Variants in MYCBPAP observed in about 807,000 individuals in gnomAD.
The protein encoded by MYCBPAP is MYCBP associated protein.
Under a neutral mutation model 106.1 loss-of-function variants are expected in MYCBPAP, and 60 were observed. The ratio of observed to expected loss-of-function variants is 0.57; its 90% CI spans 0.46 to 0.70. The LOEUF (loss-of-function observed/expected upper bound fraction) is 0.70. MYCBPAP is among the 30% of genes least tolerant of loss of function. MYCBPAP has a pLI of 0.00. For synonymous variants in MYCBPAP, 407 were observed against 440.6 expected (o/e 0.92, Z 0.95); for missense variants, 1,064 against 1,169.3 (o/e 0.91, Z 1.31).
At chr17:50,513,982 C>G (rs1436368980) in intron 1 of MYCBPAP, among the ~76,000 whole-genome samples, 4 of 152,194 alleles carry the variant, frequency 2.6e-5, no homozygotes, top group Admixed American at 2.6e-4. Context: ...ACAGATACTT[C>G]CAAACCTCTG....
intron 6 of MYCBPAP, 57 bp downstream of exon 6, chr17:50,519,146 G>T: frequency 8.2e-7 from 1 of 1,213,664 alleles, no homozygotes; most frequent in South Asian, 1.3e-5. Context: ...GGAGGGGGCG[G>T]GGGCAGGTGT....
chr17:50,527,377 C>A lies in MYCBPAP; in HGVS notation c.2260C>A (p.Pro754Thr). 1 of 1,614,122 alleles carries A rather than the reference C, an allele frequency of 6.2e-7. No individual in the cohort carries two copies. The highest frequency in any genetic ancestry group is 8.5e-7 in the Non-Finnish European group (1 of 1,180,004). The change falls in exon 15 of 19, where the codon CCA (proline) becomes ACA (threonine). Residue 754 changes from proline to threonine, a missense_variant. Transcript: ENST00000323776. The part of the protein sequence containing the change: ...AALELCQKPR[P>T]LQSNLLHQMC... ...CCTGGAGCTGTGCCAGAAGCCAAGG[C>A]CATTGCAGTCCAACCTCCTGCACCA...
intron 1 of MYCBPAP, chr17:50,510,250 G>C (rs1400161046): frequency 6.6e-6 from 1 of 151,874 alleles, no homozygotes; most frequent in Admixed American, 6.6e-5. Flanking sequence ...GTTGAGCCGG[G>C]CATGGTGGTG....
intron 16 of MYCBPAP, 123 bp from the exon 17 acceptor site, chr17:50,528,572 C>A: frequency 7.6e-7 from 1 of 1,313,366 alleles, no homozygotes; most frequent in Non-Finnish European, 1.0e-6. Flanking sequence ...AAGCCACGCG[C>A]CTACCAGGGC....
rs1375743104 is a variant in MYCBPAP at position 50,508,456 on chromosome 17, C to T, written c.-219C>T. The stretch of plus-strand genomic sequence containing the variant: ...GGGCCCGCAGGGCTTTCTAGGGGTC[C>T]GTCGCTCTTGAAGCCGCCGGCGGCG... On this transcript the variant is annotated 5_prime_UTR_variant, in exon 1 of 19. Coordinates refer to ENST00000323776, the MANE Select transcript of MYCBPAP (RefSeq NM_032133.6). 14 of 1,298,128 alleles carry T rather than the reference C, an allele frequency of 1.1e-5. No homozygotes were observed. Among genetic ancestry groups the T allele is most frequent in the Non-Finnish European group, 1.5e-5 (14 of 952,518 alleles). The allele number at this position is 1,298,128 out of a possible 1,614,324, so 80.4% of individuals were successfully genotyped here. A position where few individuals can be genotyped will look rare whatever the true frequency, so the allele number is the denominator to read the frequency against.
At position 50,523,609 on chromosome 17, in the gene MYCBPAP, C is replaced by A; in HGVS notation, c.1460C>A (p.Pro487His). 1 of 1,614,204 alleles carries A rather than the reference C, an allele frequency of 6.2e-7. No homozygotes were observed. ...CTGTCCCTCTCAGGTGTGATTCTGC[C>A]TGGAGAAATTAAAACATTTACCTTC... ...YFDNREGVIL[P>H]GEIKTFTFFF... Residue 487 changes from proline (P) to histidine (H), a missense_variant, in exon 12 of 19, where the codon CCT becomes CAT. Coordinates refer to ENST00000323776, the MANE Select transcript of MYCBPAP (RefSeq NM_032133.6).
chr17:50,525,465 T>C (rs1319946083), intron 13 of MYCBPAP, among the ~76,000 whole-genome samples: 1 of 152,124 alleles, frequency 6.6e-6, no homozygotes, highest in Non-Finnish European at 1.5e-5. Context: ...AGCAGTCCTA[T>C]GAGATGGGTA....
At chr17:50,510,499 G>GTATGTGTGTATA (rs1555618059) in intron 1 of MYCBPAP, 1 of 76,414 alleles carries the variant, frequency 1.3e-5, no homozygotes, top group African/African-American at 4.6e-5. Context: ...GTGTGTGTGT[G>GTATGTGTGTATA]TATATATATA....
rs1159358480 is a variant in MYCBPAP, at chr17:50,527,405, T to C, written c.2288T>C (p.Met763Thr). ...TTGCAGTCCAACCTCCTGCACCAGA[T>C]GTGGTAGGTGCCCTGCCAGGAGAGC... Reference protein sequence around the residue: ...RPLQSNLLHQMCLQLWRDVID... With the variant: ...RPLQSNLLHQTCLQLWRDVID... The change falls in exon 15 of 19, where the codon ATG (methionine) becomes ACG (threonine). Residue 763 changes from methionine (M) to threonine (T), a missense_variant. Coordinates refer to ENST00000323776, the MANE Select transcript of MYCBPAP (RefSeq NM_032133.6). The C allele has an allele frequency of 1.9e-6, 3 of 1,613,626 alleles. No individual in the cohort carries two copies. The East Asian group carries it at 6.7e-5, about 36-fold the overall frequency.
At position 50,528,716 on chromosome 17, in the gene MYCBPAP, T is replaced by C. The variant is rs780280635; in HGVS notation, c.2429T>C (p.Met810Thr). 5.7e-5 allele frequency: 92 copies of C among 1,613,694 alleles called. No individual in the cohort carries two copies. The Middle Eastern group carries it at 8.2e-4, about 14-fold the overall frequency. The change falls in exon 17 of 19, where the codon ATG (methionine) becomes ACG (threonine). Residue 810 changes from methionine to threonine, a missense_variant. Transcript: ENST00000323776. ...TTAGATCAAAAATCACCTCCTATCA[T>C]GGAAGTGAAGGTACCTGTGGGGAAA... ...EEQDQKSPPI[M>T]EVKVPVGKAG...
intron 18 of MYCBPAP, chr17:50,530,119 A>T: frequency 1.4e-5 from 5 of 360,806 alleles, no homozygotes; most frequent in South Asian, 1.0e-4. Flanking sequence ...CAGATGGTTG[A>T]TGGGGTCTAG....
At chr17:50,516,740 C>T (rs2034066073) in intron 2 of MYCBPAP, 43 bp downstream of exon 2, 1 of 1,610,580 alleles carries the variant, frequency 6.2e-7, no homozygotes, top group Non-Finnish European at 8.5e-7. Context: ...GAAACGTTTC[C>T]CTGCCGGCAG....
At chr17:50,517,029 A>C (rs367897865) in intron 2 of MYCBPAP, among the ~76,000 whole-genome samples, 7 of 152,198 alleles carry the variant, frequency 4.6e-5, no homozygotes, top group African/African-American at 1.7e-4. Flanking sequence ...GCTAAACCCT[A>C]ACCCCATGCT....
rs1168362382 is a variant in MYCBPAP at position 50,525,015 on chromosome 17, A to C, written c.1774A>C (p.Asn592His). The part of the protein sequence containing the change: ...LTEEDLFRHR[N>H]PPLHYEHQVV... ...CGAGGAAGACTTGTTCCGGCACAGAAATCCTCCGGTGAGGCCCAGCGCCAG... is the reference window on the plus strand; with the variant it reads ...CGAGGAAGACTTGTTCCGGCACAGACATCCTCCGGTGAGGCCCAGCGCCAG... Residue 592 changes from asparagine to histidine, a missense_variant, in exon 13 of 19, where the codon AAT (asparagine) becomes CAT (histidine). Asn to His is a moderately conservative substitution (Grantham distance 68). Transcript: ENST00000323776. 1 of 1,612,596 alleles carries C rather than the reference A, an allele frequency of 6.2e-7. No individual in the cohort carries two copies. Among genetic ancestry groups the C allele is most frequent in the Admixed American group, 1.7e-5 (1 of 59,998 alleles).
chr17:50,531,312 G>A lies in MYCBPAP; in HGVS notation c.2725-15G>A, dbSNP rs764828938. ...CAGAGTAAACTCTGCCTGTGATGTT[G>A]TCCCGTTCTTCCAGGTCCGTGGGCT... On this transcript the variant is annotated splice_polypyrimidine_tract_variant and intron_variant, in intron 18 of 18. Coordinates refer to ENST00000323776, the MANE Select transcript of MYCBPAP (RefSeq NM_032133.6). 1 of 1,593,062 alleles carries A rather than the reference G, an allele frequency of 6.3e-7. No homozygotes were observed. The highest frequency in any genetic ancestry group is 1.1e-5 in the South Asian group (1 of 89,014).
chr17:50,523,521 T>G (rs374831287), intron 11 of MYCBPAP, 76 bp from the exon 12 acceptor site: 1 of 1,474,502 alleles, frequency 6.8e-7, no homozygotes, highest in East Asian at 2.3e-5. Context: ...CTCAGTTAAC[T>G]GCATGTAGGA....
chr17:50,511,512 A>G (rs967070537), intron 1 of MYCBPAP, among the ~76,000 whole-genome samples: 1 of 152,208 alleles, frequency 6.6e-6, no homozygotes, highest in Non-Finnish European at 1.5e-5. Flanking sequence ...AGATAAAACA[A>G]GAAGCAGAAG....
At chr17:50,525,659 C>CTCTTTTTTTTTTTTTTTTTTT (rs57947501) in intron 13 of MYCBPAP, among the ~76,000 whole-genome samples, 1 of 131,364 alleles carries the variant, frequency 7.6e-6, no homozygotes, top group African/African-American at 2.9e-5. Flanking sequence ...GCTAATTTCT[C>CTCTTTTTTTTTTTTTTTTTTT]TTTTTTTTTT....
chr17:50,526,603 G>C (rs371214003), intron 14 of MYCBPAP, among the ~76,000 whole-genome samples: 1 of 143,010 alleles, frequency 7.0e-6, no homozygotes, highest in Non-Finnish European at 1.5e-5. Context: ...TTTTTTTTTT[G>C]ATGGAATCTT....
Sources: allele counts gnomAD v4.1 joint callset (sites outside exome capture counted in the v4.1 genomes callset), GRCh38; gene constraint gnomAD v4.1.1; transcripts MANE v1.5; gene names NCBI Gene and HGNC (gene_info 2026-07-23, HGNC 2026-07-21).